CNDP2: variants seen among roughly 807,000 people sequenced by gnomAD.
The protein encoded by CNDP2 is cytosolic non-specific dipeptidase.
A neutral mutation model predicts 55.0 loss-of-function variants in CNDP2; 38 were observed. That is an observed-to-expected ratio of 0.69 (90% CI 0.53 to 0.90). CNDP2 has a LOEUF of 0.90. Among genes scored for constraint, CNDP2 ranks in the 40% least tolerant of loss-of-function variants. The pLI is 0.00. For synonymous variants in CNDP2, 241 were observed against 260.2 expected, an observed-to-expected ratio of 0.93 and a Z score of 0.71; for missense variants, 607 against 621.7, an observed-to-expected ratio of 0.98 and a Z score of 0.25.
In CNDP2 at chr18:74,499,907, C is replaced by G; in HGVS notation, c.-67C>G. 6.9e-7 allele frequency: 1 copy of G among 1,446,150 alleles called. No homozygotes were observed. The highest frequency in any genetic ancestry group is 9.7e-7 in the Non-Finnish European group (1 of 1,030,400). The allele number at this position is 1,446,150 out of a possible 1,614,324, so 89.6% of individuals were successfully genotyped here. On this transcript the variant is annotated 5_prime_UTR_variant, in exon 2 of 12. Coordinates refer to ENST00000324262, the MANE Select transcript of CNDP2 (RefSeq NM_018235.3). ...GTCGCCCCTCAGTCTCCACTAGAGA[C>G]AGGACTGACCAGTTGCTCTTCCTTC...
In CNDP2 at chr18:74,520,978, G is replaced by A. The variant is rs1040365512; in HGVS notation, c.*910G>A. Reference sequence around the variant, plus strand: ...CCTCCTCTGATCTCTCGCTATCTGCGGGTCCTGTCCTTTTCTCAAGACCTT... The same window carrying A: ...CCTCCTCTGATCTCTCGCTATCTGCAGGTCCTGTCCTTTTCTCAAGACCTT... On this transcript the variant is annotated 3_prime_UTR_variant, in exon 12 of 12. Coordinates refer to ENST00000324262, the MANE Select transcript of CNDP2 (RefSeq NM_018235.3). 6 of 152,172 alleles carry A rather than the reference G, an allele frequency of 3.9e-5. No homozygotes were observed. Among genetic ancestry groups the A allele is most frequent in the African/African-American group, 7.2e-5 (3 of 41,432 alleles). The allele number at this position is 152,172 out of a possible 1,614,324, so 9.4% of individuals were successfully genotyped here.
chr18:74,509,022 C>T, intron 5 of CNDP2, 94 bp downstream of exon 5: 1 of 1,043,976 alleles, frequency 9.6e-7, no homozygotes, highest in Non-Finnish European at 1.4e-6. Flanking sequence ...TTATAAAGCT[C>T]ACAGGAAAAG....
intron 3 of CNDP2, among the ~76,000 whole-genome samples, chr18:74,505,447 A>C (rs917196730): frequency 3.3e-5 from 5 of 151,998 alleles, no homozygotes; most frequent in Admixed American, 3.3e-4. Context: ...AAAATACAAA[A>C]AATTAACCAG....
At position 74,518,592 on chromosome 18, in the gene CNDP2, G is replaced by A. The variant is rs747312981; in HGVS notation, c.1162G>A (p.Asp388Asn). The A allele has an allele frequency of 4.4e-5, 71 of 1,614,072 alleles. No individual in the cohort carries two copies. The Admixed American group carries it at 7.2e-4, about 16-fold the overall frequency. ...CCACGGTGGGAAGCCCTGGGTCTCC[G>A]ACTTCAGTCACCCTCATTACCTGGC... ...MGHGGKPWVSDFSHPHYLAGR... is the reference protein window; with the variant it reads ...MGHGGKPWVSNFSHPHYLAGR... Residue 388 changes from aspartate to asparagine, a missense_variant, in exon 10 of 12, where the codon GAC becomes AAC. By Grantham distance (23) the Asp-to-Asn change is conservative. Coordinates refer to ENST00000324262, the MANE Select transcript of CNDP2 (RefSeq NM_018235.3).
At chr18:74,513,486 T>G in intron 7 of CNDP2, 73 bp from the exon 8 acceptor site, 1 of 1,442,146 alleles carries the variant, frequency 6.9e-7, no homozygotes. Flanking sequence ...CTTCCTGGGG[T>G]CGGTGCAGGA....
chr18:74,502,227 T>G (rs1978744700), intron 3 of CNDP2, among the ~76,000 whole-genome samples: 1 of 152,196 alleles, frequency 6.6e-6, no homozygotes. Flanking sequence ...AGTGCAGGAT[T>G]CTGACAGGTG....
intron 4 of CNDP2, among the ~76,000 whole-genome samples, chr18:74,506,530 GC>G (rs1555703757): frequency 6.6e-6 from 1 of 152,200 alleles, no homozygotes; most frequent in Non-Finnish European, 1.5e-5. Flanking sequence ...GTGCAAATGA[GC>G]CCCCCGTGGC....
At chr18:74,513,756 C>T in intron 8 of CNDP2, 37 bp downstream of exon 8, 1 of 1,598,874 alleles carries the variant, frequency 6.3e-7, no homozygotes, top group Non-Finnish European at 8.5e-7. Context: ...CCTGCCCAGG[C>T]CACGCTGTGA....
At position 74,508,886 on chromosome 18, in the gene CNDP2, C is replaced by T. The variant is rs773773845; in HGVS notation, c.414C>T (p.Ala138=). ...RGSTDDKGPV[A]GWINALEAYQ... ...CGACTGATGATAAGGGCCCGGTGGCCGGCTGGATAAACGCCCTGGAAGCGT... is the reference window on the plus strand; with the variant it reads ...CGACTGATGATAAGGGCCCGGTGGCTGGCTGGATAAACGCCCTGGAAGCGT... The change falls in exon 5 of 12, where the codon GCC becomes GCT. Residue 138 remains alanine, a synonymous_variant. Coordinates refer to ENST00000324262, the MANE Select transcript of CNDP2 (RefSeq NM_018235.3). 9.0e-5 allele frequency: 145 copies of T among 1,614,072 alleles called. 2 individuals carry two copies. The highest frequency in any genetic ancestry group is 6.0e-4 in the East Asian group (27 of 44,886).
At chr18:74,506,387 C>T (rs1375790620) in intron 4 of CNDP2, among the ~76,000 whole-genome samples, 3 of 152,188 alleles carry the variant, frequency 2.0e-5, no homozygotes, top group South Asian at 2.1e-4. Flanking sequence ...CCCCCCACCT[C>T]AGCCTCCCAA....
At chr18:74,511,721 A>C (rs1355239079) in intron 6 of CNDP2, among the ~76,000 whole-genome samples, 1 of 151,928 alleles carries the variant, frequency 6.6e-6, no homozygotes, top group African/African-American at 2.4e-5. Flanking sequence ...AAAAAAAAAA[A>C]AGAGAAACCG....
At chr18:74,504,463 C>G (rs1454870848) in intron 3 of CNDP2, among the ~76,000 whole-genome samples, 1 of 152,270 alleles carries the variant, frequency 6.6e-6, no homozygotes. Flanking sequence ...CCATAAGAAT[C>G]CCAGCCACCT....
chr18:74,504,823 A>C (rs112263059), intron 3 of CNDP2: 2 of 152,264 alleles, frequency 1.3e-5, no homozygotes, highest in Non-Finnish European at 2.9e-5. Flanking sequence ...ATTGGAATAT[A>C]GGCACTGGTA....
At chr18:74,499,086 A>G (rs1001104551) in intron 1 of CNDP2, among the ~76,000 whole-genome samples, 5 of 152,154 alleles carry the variant, frequency 3.3e-5, no homozygotes, top group African/African-American at 7.2e-5. Flanking sequence ...TGGCATGTAG[A>G]CACGAGGCTG....
chr18:74,513,016 G>A (rs906725841), intron 7 of CNDP2, among the ~76,000 whole-genome samples: 14 of 152,166 alleles, frequency 9.2e-5, no homozygotes, highest in African/African-American at 2.4e-4. Flanking sequence ...CTCCCTTCCC[G>A]CACCTTCCAC....
At chr18:74,508,034 G>A (rs1016651699) in intron 4 of CNDP2, 1 of 152,256 alleles carries the variant, frequency 6.6e-6, no homozygotes, top group Non-Finnish European at 1.5e-5. Context: ...TACTACCTTG[G>A]GCTGGGGCCT....
intron 4 of CNDP2, chr18:74,507,943 T>C (rs1979123456): frequency 6.6e-6 from 1 of 152,320 alleles, no homozygotes. Context: ...GAAAAGCTTA[T>C]ATTTGATCTT....
intron 5 of CNDP2, 94 bp from the exon 6 acceptor site, chr18:74,510,719 A>G (rs1979296213): frequency 1.8e-6 from 2 of 1,105,284 alleles, no homozygotes; most frequent in Non-Finnish European, 2.7e-6. Context: ...TGTCTGGAGA[A>G]TGCCGGAGAT....
chr18:74,505,841 A>G lies in CNDP2; in HGVS notation c.205-8A>G. ...GCTGTCCTTGGTTCCTTTCCTCTCCATGCTCAGCTCCCTGATGGCTCGGAG... is the reference window on the plus strand; with the variant it reads ...GCTGTCCTTGGTTCCTTTCCTCTCCGTGCTCAGCTCCCTGATGGCTCGGAG... On this transcript the variant is annotated splice_region_variant and splice_polypyrimidine_tract_variant and intron_variant, in intron 3 of 11. Coordinates refer to ENST00000324262, the MANE Select transcript of CNDP2 (RefSeq NM_018235.3). The G allele has an allele frequency of 6.2e-7, 1 of 1,612,936 alleles. No individual in the cohort carries two copies. Among genetic ancestry groups the G allele is most frequent in the Non-Finnish European group, 8.5e-7 (1 of 1,179,574 alleles).
Sources: allele counts gnomAD v4.1 joint callset (sites outside exome capture counted in the v4.1 genomes callset), GRCh38; gene constraint gnomAD v4.1.1; transcripts MANE v1.5; gene names NCBI Gene and HGNC (gene_info 2026-07-23, HGNC 2026-07-21).